Variants in SMIM7 observed in about 807,000 individuals in gnomAD.
The protein encoded by SMIM7 is UPF0608 protein C19orf42.
A neutral mutation model predicts 13.3 loss-of-function variants in SMIM7; 12 were observed. The ratio of observed to expected loss-of-function variants is 0.90; its 90% CI spans 0.58 to 1.46. The LOEUF (loss-of-function observed/expected upper bound fraction) is 1.46. Among genes scored for constraint, SMIM7 ranks in the 40% most tolerant of loss-of-function variants. The pLI is 0.00. For synonymous variants in SMIM7, 36 were observed against 35.8 expected, an observed-to-expected ratio of 1.01 and a Z score of -0.02; for missense variants, 114 against 94.8, an observed-to-expected ratio of 1.20 and a Z score of -0.84.
At chr19:16,637,892 G>T (rs774729928) in intron 4 of SMIM7, among the ~76,000 whole-genome samples, 3 of 152,176 alleles carry the variant, frequency 2.0e-5, no homozygotes, top group Non-Finnish European at 2.9e-5. Context: ...CTCCAACAGG[G>T]ACTGTATTTG....
intron 4 of SMIM7, among the ~76,000 whole-genome samples, chr19:16,639,194 T>G (rs370418203): frequency 2.7e-5 from 4 of 149,970 alleles, no homozygotes; most frequent in Non-Finnish European, 5.9e-5. Flanking sequence ...TGATCTCGGC[T>G]CACTGCAAGC....
chr19:16,631,468 G>A (rs901890661), exon 5 of SMIM7: 1 of 151,866 alleles, frequency 6.6e-6, no homozygotes, highest in Non-Finnish European at 1.5e-5. Flanking sequence ...CATGGGAAAA[G>A]GCAAGGAAGT....
chr19:16,655,563 C>T (rs561820150), intron 3 of SMIM7, among the ~76,000 whole-genome samples: 7 of 151,726 alleles, frequency 4.6e-5, no homozygotes, highest in South Asian at 2.1e-4. Flanking sequence ...TGACTGTAAT[C>T]CCAGCTACTC....
chr19:16,633,316 G>A (rs542673993), intron 4 of SMIM7, among the ~76,000 whole-genome samples: 1 of 152,012 alleles, frequency 6.6e-6, no homozygotes, highest in Admixed American at 6.6e-5. Context: ...AATTAGCTAG[G>A]CAGGTGGTGC....
chr19:16,655,428 C>A (rs1374224170), intron 3 of SMIM7: 1 of 455,144 alleles, frequency 2.2e-6, no homozygotes, highest in South Asian at 1.6e-5. Flanking sequence ...CACTTGTAAT[C>A]CCAGCACTTC....
At chr19:16,632,982 G>C (rs2086332623) in intron 4 of SMIM7, among the ~76,000 whole-genome samples, 1 of 152,190 alleles carries the variant, frequency 6.6e-6, no homozygotes, top group East Asian at 1.9e-4. Flanking sequence ...CTATTTGTAA[G>C]AGTGAAAGAT....
At chr19:16,632,825 C>T (rs2086331710) in intron 4 of SMIM7, among the ~76,000 whole-genome samples, 2 of 152,140 alleles carry the variant, frequency 1.3e-5, no homozygotes, top group Admixed American at 6.5e-5. Context: ...AGCCACCATG[C>T]CCGGCCAACT....
chr19:16,654,888 C>G (rs964365589), intron 3 of SMIM7, among the ~76,000 whole-genome samples: 1 of 103,000 alleles, frequency 9.7e-6, no homozygotes, highest in African/African-American at 6.0e-5. Flanking sequence ...GCCCGCAAAG[C>G]CCTCAGATAT....
At chr19:16,648,926 G>A (rs2086483612) in intron 4 of SMIM7, among the ~76,000 whole-genome samples, 1 of 152,124 alleles carries the variant, frequency 6.6e-6, no homozygotes, top group Admixed American at 6.5e-5. Context: ...GAGGCCAGAG[G>A]ATCACTTGAG....
chr19:16,639,538 CA>C (rs1237559509), intron 4 of SMIM7, among the ~76,000 whole-genome samples: 1 of 152,180 alleles, frequency 6.6e-6, no homozygotes, highest in Non-Finnish European at 1.5e-5. Flanking sequence ...TGCAAGGACT[CA>C]ATCCTGCCCT....
At chr19:16,633,762 C>T (rs1402118092) in intron 4 of SMIM7, 1 of 151,974 alleles carries the variant, frequency 6.6e-6, no homozygotes, top group African/African-American at 2.4e-5. Flanking sequence ...GAGAAACGCT[C>T]CCAATAAATA....
intron 4 of SMIM7, among the ~76,000 whole-genome samples, chr19:16,632,443 G>A (rs539959620): frequency 1.3e-5 from 2 of 152,168 alleles, no homozygotes; most frequent in East Asian, 1.9e-4. Context: ...TGGTTGGGGG[G>A]TGGGAATTCA....
intron 4 of SMIM7, among the ~76,000 whole-genome samples, chr19:16,632,732 A>G (rs1339892400): frequency 6.6e-6 from 1 of 151,776 alleles, no homozygotes; most frequent in Non-Finnish European, 1.5e-5. Context: ...CGGTTTCGTC[A>G]TGTTGGTCAG....
At chr19:16,642,031 G>A (rs79170785), downstream of SMIM7, among the ~76,000 whole-genome samples, 2,579 of 152,286 alleles carry the variant, frequency 0.017, 61 homozygotes, top group African/African-American at 0.06. Flanking sequence ...AATGGTGGAG[G>A]AAGCAAAATG....
intron 3 of SMIM7, among the ~76,000 whole-genome samples, chr19:16,656,912 A>AT (rs2086603804): frequency 6.6e-6 from 1 of 151,940 alleles, no homozygotes; most frequent in Non-Finnish European, 1.5e-5. Flanking sequence ...AAAAAAAACA[A>AT]CAAAAAAACA....
chr19:16,638,297 TTTTC>T lies in SMIM7; in HGVS notation c.*138-6577_*138-6574del, dbSNP rs1490583857. ...GTGAGGCAATTAAACCTCTTTTCTT[TTTTC>T]TTTTTTTTTTTTTTTTTTTGAGACA... On this transcript the variant is annotated intron_variant and NMD_transcript_variant, in intron 4 of 4. Transcript: ENST00000465250. Among the ~76,000 whole-genome samples the T allele has an allele frequency of 2.6e-3, 381 of 144,932 alleles. 1 individual carries two copies. The highest frequency in any genetic ancestry group is 4.4e-3 in the Non-Finnish European group (292 of 65,656).
At chr19:16,643,118 C>CT (rs776455758), downstream of SMIM7, among the ~76,000 whole-genome samples, 6 of 151,272 alleles carry the variant, frequency 4.0e-5, no homozygotes, top group Non-Finnish European at 5.9e-5. Context: ...GACTCTGTCT[C>CT]TAAAAAAAGA....
chr19:16,659,282 CAAAAAAAAAAA>C (rs752864646), intron 3 of SMIM7, 102 bp downstream of exon 3: 6 of 550,574 alleles, frequency 1.1e-5, no homozygotes, highest in South Asian at 2.1e-5. Context: ...GACCTTGTGT[CAAAAAAAAAAA>C]AAAAAAAAAA....
At chr19:16,656,059 G>T (rs1001738417) in intron 3 of SMIM7, among the ~76,000 whole-genome samples, 11 of 152,118 alleles carry the variant, frequency 7.2e-5, no homozygotes, top group Admixed American at 6.6e-5. Flanking sequence ...GTGAAAACAG[G>T]ACCTCCCACC....
Sources: gnomAD v4.1 joint callset for allele counts (sites outside exome capture counted in the v4.1 genomes callset) on GRCh38, gnomAD v4.1.1 for gene constraint, MANE v1.5 for transcripts, NCBI Gene and HGNC (gene_info 2026-07-23, HGNC 2026-07-21) for gene names.